The following CLEC2B variants were observed in gnomAD, a reference collection of about 807,000 sequenced individuals.
CLEC2B encodes C-type (calcium dependent, carbohydrate-recognition domain) lectin, superfamily member 2 (activation-induced).
A neutral mutation model predicts 16.2 loss-of-function variants in CLEC2B; 14 were observed. The ratio of observed to expected loss-of-function variants is 0.86; its 90% confidence interval spans 0.57 to 1.35. The LOEUF is 1.35. Among genes scored for constraint, CLEC2B ranks in the 40% most tolerant of loss-of-function variants. The pLI, the probability that CLEC2B is intolerant of heterozygous loss-of-function variation, is 0.00. For synonymous variants in CLEC2B, 42 were observed against 55.8 expected (o/e 0.75, Z 1.10); for missense variants, 166 against 182.3 (o/e 0.91, Z 0.52).
chr12:9,857,090 C>T (rs558025223), intron 3 of CLEC2B: 1 of 168,040 alleles, frequency 6.0e-6, no homozygotes, highest in Admixed American at 6.3e-5. Flanking sequence ...ACCTCAGAGA[C>T]AGGCAGCAAA....
chr12:9,867,031 T>C (rs1867975576), intron 1 of CLEC2B: 1 of 152,208 alleles, frequency 6.6e-6, no homozygotes, highest in Non-Finnish European at 1.5e-5. Flanking sequence ...TCAAAAAAGA[T>C]GATCGTACTT....
chr12:9,864,828 C>A (rs1867958947), intron 1 of CLEC2B, among the ~76,000 whole-genome samples: 1 of 136,792 alleles, frequency 7.3e-6, no homozygotes, highest in African/African-American at 2.6e-5. Context: ...AAAACAGCCC[C>A]AGAAAATCCT....
intron 3 of CLEC2B, among the ~76,000 whole-genome samples, chr12:9,856,495 G>C (rs1867895003): frequency 6.6e-6 from 1 of 151,856 alleles, no homozygotes; most frequent in Non-Finnish European, 1.5e-5. Flanking sequence ...TTGCAAAATA[G>C]TTTTGTTTCC....
intron 2 of CLEC2B, among the ~76,000 whole-genome samples, chr12:9,861,826 A>T (rs1212574381): frequency 2.0e-5 from 3 of 152,174 alleles, no homozygotes; most frequent in Non-Finnish European, 4.4e-5. Flanking sequence ...ATTTTGTGAC[A>T]TATAAAATTT....
At chr12:9,864,805 T>C (rs1472176791) in intron 1 of CLEC2B, among the ~76,000 whole-genome samples, 1 of 150,766 alleles carries the variant, frequency 6.6e-6, no homozygotes, top group African/African-American at 2.4e-5. Flanking sequence ...AAAACAACCA[T>C]AAAACAAGCA....
At position 9,853,093 on chromosome 12, in the gene CLEC2B, G is replaced by GAGAGAGAA. The variant is rs1565514124; in HGVS notation, c.*206_*207insTTCTCTCT. On this transcript the variant is annotated 3_prime_UTR_variant, in exon 5 of 5. Coordinates refer to ENST00000228438, the MANE Select transcript of CLEC2B (RefSeq NM_005127.3). ...AGAAAGAAAGAAAGAAAGAGAGAGAGAGAAAGAAAGAAAGAAAAAAACTCA... is the reference window on the plus strand; with the variant it reads ...AGAAAGAAAGAAAGAAAGAGAGAGAGAGAGAGAAAGAAAGAAAGAAAGAAAAAAACTCA... 5 of 196,954 alleles carry GAGAGAGAA rather than the reference G, an allele frequency of 2.5e-5. 1 individual carries two copies. The highest frequency in any genetic ancestry group is 1.7e-4 in the East Asian group (2 of 11,936). The allele number at this position is 196,954 out of a possible 1,614,324, so 12.2% of individuals were successfully genotyped here.
chr12:9,858,797 G>C (rs1006063092), intron 2 of CLEC2B, among the ~76,000 whole-genome samples: 1 of 151,772 alleles, frequency 6.6e-6, no homozygotes, highest in Non-Finnish European at 1.5e-5. Context: ...ATTAGTGTTT[G>C]TGTTACTCTT....
intron 2 of CLEC2B, among the ~76,000 whole-genome samples, chr12:9,858,585 T>C (rs1315517789): frequency 6.6e-6 from 1 of 151,972 alleles, no homozygotes; most frequent in Non-Finnish European, 1.5e-5. Context: ...AGAATGCTGA[T>C]GGCAGTGGAG....
chr12:9,858,047 A>C (rs542867277), intron 2 of CLEC2B, among the ~76,000 whole-genome samples: 1 of 152,090 alleles, frequency 6.6e-6, no homozygotes, highest in South Asian at 2.1e-4. Context: ...AAAAATAATA[A>C]AGCAAAATAC....
At position 9,853,293 on chromosome 12, in the gene CLEC2B, C is replaced by T. The variant is rs751560856; in HGVS notation, c.*7G>A. On this transcript the variant is annotated 3_prime_UTR_variant, in exon 5 of 5. Coordinates refer to ENST00000228438, the MANE Select transcript of CLEC2B (RefSeq NM_005127.3). ...TTTCTATTTTCCCCATTATCTTAGA[C>T]ATTAACTTAGTGTATTCTTTTCCTG... is the stretch of plus-strand genomic sequence containing the variant. 1.3e-6 allele frequency: 2 copies of T among 1,564,206 alleles called. No individual in the cohort carries two copies. Among genetic ancestry groups the T allele is most frequent in the Admixed American group, 3.3e-5 (2 of 59,940 alleles).
At chr12:9,859,858 A>G (rs1050869480) in intron 2 of CLEC2B, among the ~76,000 whole-genome samples, 2 of 151,824 alleles carry the variant, frequency 1.3e-5, no homozygotes, top group African/African-American at 4.8e-5. Context: ...GGTTATGATC[A>G]AGTTGAATCT....
chr12:9,855,839 CAT>C (rs1867890964), intron 3 of CLEC2B, among the ~76,000 whole-genome samples: 1 of 152,052 alleles, frequency 6.6e-6, no homozygotes, highest in African/African-American at 2.4e-5. Flanking sequence ...AACTTTATCT[CAT>C]ATTATTTTGT....
At chr12:9,866,070 C>T (rs1397344186) in intron 1 of CLEC2B, among the ~76,000 whole-genome samples, 2 of 152,024 alleles carry the variant, frequency 1.3e-5, no homozygotes, top group South Asian at 2.1e-4. Flanking sequence ...AGATAAATAA[C>T]CTAATGATGA....
intron 1 of CLEC2B, among the ~76,000 whole-genome samples, chr12:9,863,695 A>G (rs1439189730): frequency 1.3e-5 from 2 of 152,200 alleles, no homozygotes; most frequent in African/African-American, 4.8e-5. Context: ...AAGAGAATGG[A>G]TCAAGAAGAA....
At chr12:9,868,590 A>G (rs78710086) in intron 1 of CLEC2B, among the ~76,000 whole-genome samples, 4,356 of 152,168 alleles carry the variant, frequency 0.029, 211 homozygotes, top group African/African-American at 0.099. Context: ...TGAAATCTCA[A>G]AGATGTAGCT....
Position 9,853,383 on chromosome 12 carries a change from A to C in CLEC2B, c.367T>G (p.Cys123Gly). ...GCACCATCATCGCTGAGGTAGGCACATCCTTCACTCCCTCTCATGCCAAAC... is the reference window on the plus strand; with the variant it reads ...GCACCATCATCGCTGAGGTAGGCACCTCCTTCACTCCCTCTCATGCCAAAC... ...KSFGMRGSEG[C>G]AYLSDDGAAT... Residue 123 changes from cysteine (C) to glycine (G), a missense_variant, in exon 5 of 5, where the codon TGT becomes GGT. Cys to Gly is a radical substitution (Grantham distance 159, BLOSUM62 -3). Coordinates refer to ENST00000228438, the MANE Select transcript of CLEC2B (RefSeq NM_005127.3). 6.2e-7 allele frequency: 1 copy of C among 1,614,026 alleles called. No homozygotes were observed. The highest frequency in any genetic ancestry group is 8.5e-7 in the Non-Finnish European group (1 of 1,179,894).
intron 4 of CLEC2B, 83 bp from the exon 5 acceptor site, chr12:9,853,491 C>G (rs1247600019): frequency 9.7e-7 from 1 of 1,034,446 alleles, no homozygotes; most frequent in Non-Finnish European, 1.5e-6. Context: ...TTCTACTTGT[C>G]TAAAGTGCTG....
chr12:9,854,573 C>A, intron 3 of CLEC2B, 89 bp from the exon 4 acceptor site: 1 of 834,706 alleles, frequency 1.2e-6, no homozygotes, highest in South Asian at 1.4e-5. Flanking sequence ...TTGTGAAGTG[C>A]AAGGCAACAA....
chr12:9,853,502 C>T, intron 4 of CLEC2B, 94 bp from the exon 5 acceptor site: 4 of 893,362 alleles, frequency 4.5e-6, no homozygotes, highest in East Asian at 2.5e-5. Context: ...TAAAGTGCTG[C>T]AAGGTGTACT....
Sources: allele counts gnomAD v4.1 joint callset (sites outside exome capture counted in the v4.1 genomes callset), GRCh38; gene constraint gnomAD v4.1.1; transcripts MANE v1.5; gene names NCBI Gene and HGNC (gene_info 2026-07-23, HGNC 2026-07-21).